ESR1: variants seen among roughly 807,000 people sequenced by gnomAD.
ESR1 encodes the protein estrogen receptor 1.
In ESR1, 12 loss-of-function variants were observed where a neutral mutation model predicts 52.7. That is an observed-to-expected ratio of 0.23 (90% CI 0.15 to 0.37). The LOEUF is 0.37. ESR1 is among the 10% of genes least tolerant of loss of function. ESR1 has a pLI of 1.00. For synonymous variants in ESR1, 305 were observed against 316.8 expected (o/e 0.96, Z 0.39); for missense variants, 584 against 779.7 (o/e 0.75, Z 2.99).
chr6:152,120,037 CTAAGA>C lies in ESR1; in HGVS notation c.851-5227_851-5223del, dbSNP rs2051269782. The stretch of plus-strand genomic sequence containing the variant: ...GAGAAAGGCACAGATGGAATGTATG[CTAAGA>C]TTTTTCTTAATTGAAACCAAATGTT... On this transcript the variant is annotated intron_variant, in intron 6 of 6. Coordinates refer to the ESR1 transcript ENST00000427531. Among the ~76,000 whole-genome samples, 9 of 152,342 alleles carry C rather than the reference CTAAGA, an allele frequency of 5.9e-5. No individual in the cohort carries two copies. The South Asian group carries it at 1.9e-3, about 32-fold the overall frequency.
At chr6:152,090,248 C>G (rs1000150481) in intron 6 of ESR1, among the ~76,000 whole-genome samples, 1 of 152,198 alleles carries the variant, frequency 6.6e-6, no homozygotes, top group African/African-American at 2.4e-5. Context: ...CTGAAATCTC[C>G]TCCTTCTCCA....
intron 2 of ESR1, among the ~76,000 whole-genome samples, chr6:151,769,189 A>T (rs6939683): frequency 6.6e-6 from 1 of 152,072 alleles, no homozygotes; most frequent in Non-Finnish European, 1.5e-5. Context: ...TTGGAAGTCT[A>T]CTTCTGCCAG....
chr6:152,040,945 C>T (rs907506891), intron 5 of ESR1, among the ~76,000 whole-genome samples: 3 of 152,182 alleles, frequency 2.0e-5, no homozygotes, highest in African/African-American at 7.2e-5. Context: ...ATACCACTTC[C>T]ATTTGATGAT....
chr6:151,779,514 AG>A (rs1360656696), intron 2 of ESR1, among the ~76,000 whole-genome samples: 7 of 152,216 alleles, frequency 4.6e-5, no homozygotes, highest in African/African-American at 1.4e-4. Context: ...GTTATTAAAA[AG>A]TAAAAATATA....
intron 1 of ESR1, among the ~76,000 whole-genome samples, chr6:151,674,895 A>T (rs1241724427): frequency 6.6e-6 from 1 of 152,206 alleles, no homozygotes; most frequent in African/African-American, 2.4e-5. Context: ...TATTTGTAAA[A>T]CTGCATTGGA....
intron 3 of ESR1, among the ~76,000 whole-genome samples, chr6:151,940,506 A>C (rs971759975): frequency 2.0e-5 from 3 of 152,186 alleles, no homozygotes; most frequent in Admixed American, 1.3e-4. Flanking sequence ...CAACAACCTG[A>C]ATCATACAGT....
intron 3 of ESR1, among the ~76,000 whole-genome samples, chr6:151,939,879 A>G (rs978816097): frequency 2.0e-5 from 3 of 152,306 alleles, no homozygotes; most frequent in Non-Finnish European, 4.4e-5. Context: ...GCAAAAAAAC[A>G]AAATCTCTGT....
upstream of ESR1, among the ~76,000 whole-genome samples, chr6:151,801,075 TG>T (rs982474189): frequency 6.6e-6 from 1 of 151,866 alleles, no homozygotes; most frequent in Non-Finnish European, 1.5e-5. Context: ...TGTGTGTGTG[TG>T]TGTGTAAAGG....
chr6:152,086,912 T>G (rs2049771821), intron 6 of ESR1, among the ~76,000 whole-genome samples: 1 of 152,128 alleles, frequency 6.6e-6, no homozygotes, highest in Admixed American at 6.5e-5. Flanking sequence ...GGTGAACAAT[T>G]ACACATCAGG....
At chr6:152,110,608 C>T (rs1020745189) in intron 6 of ESR1, among the ~76,000 whole-genome samples, 4 of 152,044 alleles carry the variant, frequency 2.6e-5, no homozygotes, top group East Asian at 1.9e-4. Context: ...ACAAAATAAT[C>T]GGTATGCCAA....
At chr6:151,861,499 AC>A (rs762019173) in intron 2 of ESR1, among the ~76,000 whole-genome samples, 1 of 152,180 alleles carries the variant, frequency 6.6e-6, no homozygotes, top group Non-Finnish European at 1.5e-5. Flanking sequence ...GAATCAGAGT[AC>A]TTTTCTGTTC....
chr6:151,753,370 T>G (rs1784045409), intron 2 of ESR1, among the ~76,000 whole-genome samples: 1 of 149,790 alleles, frequency 6.7e-6, no homozygotes, highest in Non-Finnish European at 1.5e-5. Context: ...CAGGCTGGAG[T>G]GCAGTGGCGT....
intron 1 of ESR1, among the ~76,000 whole-genome samples, chr6:151,659,165 CA>C (rs934075746): frequency 1.3e-5 from 2 of 152,136 alleles, no homozygotes; most frequent in African/African-American, 4.8e-5. Context: ...AGTCATGTGC[CA>C]CCATGCCCAG....
At chr6:151,907,469 T>G (rs2128424426) in intron 3 of ESR1, among the ~76,000 whole-genome samples, 1 of 152,236 alleles carries the variant, frequency 6.6e-6, no homozygotes, top group South Asian at 2.1e-4. Flanking sequence ...AGACATATCT[T>G]TTTAAAAATT....
At chr6:151,811,669 T>C (rs1345043741) in intron 1 of ESR1, among the ~76,000 whole-genome samples, 1 of 152,202 alleles carries the variant, frequency 6.6e-6, no homozygotes, top group African/African-American at 2.4e-5. Flanking sequence ...GTTTCAAGTT[T>C]CCGATACATT....
At chr6:152,083,767 AAAAC>A (rs1168858278) in intron 6 of ESR1, among the ~76,000 whole-genome samples, 1 of 152,214 alleles carries the variant, frequency 6.6e-6, no homozygotes, top group Non-Finnish European at 1.5e-5. Flanking sequence ...TTACAAGAAA[AAAAC>A]AAACCCATCA....
At chr6:151,656,739 T>C (rs923675891) in exon 1 of ESR1, 10 of 152,226 alleles carry the variant, frequency 6.6e-5, no homozygotes, top group Non-Finnish European at 1.3e-4. Context: ...TGATTGTGAA[T>C]TATATTCTGT....
At position 151,842,723 on chromosome 6, in the gene ESR1, A is replaced by C; in HGVS notation, c.579A>C (p.Ser193=). The change falls in exon 2 of 8, where the codon TCA becomes TCC. Residue 193 remains serine, a synonymous_variant. Transcript: ENST00000206249. The part of the protein sequence containing the change: ...RYCAVCNDYA[S]GYHYGVWSCE... ...GTGCAGTGTGCAATGACTATGCTTC[A>C]GGCTACCATTATGGAGTCTGGTCCT... The C allele has an allele frequency of 1.2e-6, 2 of 1,614,030 alleles. No homozygotes were observed. Among genetic ancestry groups the C allele is most frequent in the Non-Finnish European group, 1.7e-6 (2 of 1,179,930 alleles).
At chr6:152,105,691 G>A (rs1259264958), downstream of ESR1, among the ~76,000 whole-genome samples, 1 of 151,024 alleles carries the variant, frequency 6.6e-6, no homozygotes, top group East Asian at 1.9e-4. Flanking sequence ...CTCCCAAATT[G>A]CTCAGATTAC....
Sources: allele counts gnomAD v4.1 joint callset (sites outside exome capture counted in the v4.1 genomes callset), GRCh38; gene constraint gnomAD v4.1.1; transcripts MANE v1.5; gene names NCBI Gene and HGNC (gene_info 2026-07-23, HGNC 2026-07-21).